Variants in GABRB1 observed in about 807,000 individuals in gnomAD.
GABRB1 encodes the protein gamma-aminobutyric acid type A receptor subunit beta1.
Under a neutral mutation model 51.6 loss-of-function variants are expected in GABRB1, and 17 were observed. That is an observed-to-expected ratio of 0.33 (90% CI 0.23 to 0.49). GABRB1 has a LOEUF of 0.49. Among genes scored for constraint, GABRB1 ranks in the 20% least tolerant of loss-of-function variants. GABRB1 has a pLI of 0.99. For synonymous variants in GABRB1, 247 were observed against 218.9 expected, an observed-to-expected ratio of 1.13 and a Z score of -1.14; for missense variants, 410 against 600.6, an observed-to-expected ratio of 0.68 and a Z score of 3.32.
At chr4:47,137,552 C>A (rs1313274534) in intron 3 of GABRB1, among the ~76,000 whole-genome samples, 2 of 152,052 alleles carry the variant, frequency 1.3e-5, no homozygotes, top group Middle Eastern at 3.2e-3. Context: ...TGGAAGTAAC[C>A]AAGAAGATAA....
At chr4:47,123,781 T>C (rs1483832459) in intron 3 of GABRB1, among the ~76,000 whole-genome samples, 14 of 83,892 alleles carry the variant, frequency 1.7e-4, no homozygotes, top group South Asian at 6.1e-4. Context: ...TATCATATAT[T>C]ATTATATATA....
At chr4:47,057,655 A>G (rs1726671724) in intron 3 of GABRB1, among the ~76,000 whole-genome samples, 1 of 152,224 alleles carries the variant, frequency 6.6e-6, no homozygotes, top group Admixed American at 6.5e-5. Flanking sequence ...CTAACTACAT[A>G]GCAGTGAACT....
At chr4:47,233,842 T>G (rs918501998) in intron 4 of GABRB1, among the ~76,000 whole-genome samples, 1 of 152,220 alleles carries the variant, frequency 6.6e-6, no homozygotes, top group South Asian at 2.1e-4. Flanking sequence ...TATTACATAT[T>G]GATAGCATAT....
At chr4:47,168,395 C>G (rs1718289341) in intron 4 of GABRB1, among the ~76,000 whole-genome samples, 2 of 152,166 alleles carry the variant, frequency 1.3e-5, no homozygotes, top group Admixed American at 1.3e-4. Context: ...ACATTCACAT[C>G]TCTTTTACTC....
chr4:47,164,735 T>G (rs1179219398), intron 4 of GABRB1, among the ~76,000 whole-genome samples: 1 of 152,126 alleles, frequency 6.6e-6, no homozygotes, highest in African/African-American at 2.4e-5. Context: ...TAGAGTCAGT[T>G]GTCTATTTTT....
intron 4 of GABRB1, among the ~76,000 whole-genome samples, chr4:47,294,777 A>G (rs1293847756): frequency 6.6e-6 from 1 of 152,252 alleles, no homozygotes; most frequent in African/African-American, 2.4e-5. Context: ...ACGCAGCTGC[A>G]GATCTGAGAA....
chr4:47,085,537 G>A (rs554061981), intron 3 of GABRB1, among the ~76,000 whole-genome samples: 4 of 151,932 alleles, frequency 2.6e-5, no homozygotes, highest in African/African-American at 4.8e-5. Context: ...AACAGTATAC[G>A]GAACTAGTGT....
intron 3 of GABRB1, 118 bp downstream of exon 3, chr4:47,032,602 TC>T (rs1395492721): frequency 1.0e-6 from 1 of 956,150 alleles, no homozygotes; most frequent in African/African-American, 1.6e-5. Context: ...GAGGTCCCAC[TC>T]CGCACCCGCT....
chr4:47,277,220 G>A (rs148545822), intron 4 of GABRB1, among the ~76,000 whole-genome samples: 1 of 152,212 alleles, frequency 6.6e-6, no homozygotes, highest in East Asian at 1.9e-4. Flanking sequence ...CAATGTGGAT[G>A]GAACTGGAGA....
rs375306057 is a variant in GABRB1, at chr4:47,127,522, G to C, written c.241-33727G>C. 2.0e-5 allele frequency among the ~76,000 whole-genome samples: 3 copies of C among 151,686 alleles called. No individual in the cohort carries two copies. The East Asian group carries it at 5.8e-4, about 29-fold the overall frequency. ...TATTCACCGCCACCACCATATCTAG[G>C]ACTCTCACTTTTTTTTTTGTGATTT... On this transcript the variant is annotated intron_variant, in intron 3 of 8. Coordinates refer to ENST00000295454, the MANE Select transcript of GABRB1 (RefSeq NM_000812.4).
At chr4:47,223,276 T>C (rs1720831760) in intron 4 of GABRB1, among the ~76,000 whole-genome samples, 1 of 152,068 alleles carries the variant, frequency 6.6e-6, no homozygotes, top group Non-Finnish European at 1.5e-5. Flanking sequence ...AGATATCCAG[T>C]GGCATCTACG....
intron 4 of GABRB1, 47 bp from the exon 5 acceptor site, chr4:47,320,080 G>A: frequency 1.6e-6 from 2 of 1,257,188 alleles, no homozygotes; most frequent in Non-Finnish European, 2.3e-6. Flanking sequence ...GAAATGAAAT[G>A]TCATCACTTT....
chr4:47,278,802 T>C (rs985866961), intron 4 of GABRB1, among the ~76,000 whole-genome samples: 14 of 152,158 alleles, frequency 9.2e-5, no homozygotes, highest in East Asian at 1.9e-4. Flanking sequence ...TATTTCATCA[T>C]AGTTTTTAGA....
chr4:47,170,586 G>T (rs1490443950), intron 4 of GABRB1, among the ~76,000 whole-genome samples: 2 of 152,114 alleles, frequency 1.3e-5, no homozygotes, highest in Non-Finnish European at 2.9e-5. Flanking sequence ...GTCCTGGGCA[G>T]ATCTCACAAG....
chr4:46,999,735 G>T (rs1724122492), intron 1 of GABRB1, among the ~76,000 whole-genome samples: 1 of 152,182 alleles, frequency 6.6e-6, no homozygotes, highest in Non-Finnish European at 1.5e-5. Context: ...CTGCTTATAA[G>T]ATAACAAAAC....
chr4:47,293,251 C>T (rs932172405), intron 4 of GABRB1, among the ~76,000 whole-genome samples: 1 of 152,164 alleles, frequency 6.6e-6, no homozygotes, highest in Non-Finnish European at 1.5e-5. Context: ...AAGTGATTCT[C>T]CTGCCTCAGC....
intron 4 of GABRB1, among the ~76,000 whole-genome samples, chr4:47,290,161 G>T (rs1723667117): frequency 6.6e-6 from 1 of 152,188 alleles, no homozygotes; most frequent in African/African-American, 2.4e-5. Context: ...TCTCCACCCA[G>T]ATCTCAACTT....
chr4:47,129,638 A>G (rs1403098930), intron 3 of GABRB1, among the ~76,000 whole-genome samples: 1 of 152,198 alleles, frequency 6.6e-6, no homozygotes, highest in Non-Finnish European at 1.5e-5. Flanking sequence ...TATGTGTTGC[A>G]ATGGGAGTCA....
At position 47,425,852 on chromosome 4, in the gene GABRB1, G is replaced by T. The variant is rs200129765; in HGVS notation, c.1259G>T (p.Arg420Leu). Residue 420 changes from arginine (R) to leucine (L), a missense_variant, in exon 9 of 9, where the codon CGG (arginine) becomes CTG (leucine). Arg to Leu is a moderately radical substitution (Grantham distance 102, BLOSUM62 -2). Around this residue, in one of 5 missense-constraint regions of GABRB1, gnomAD observed 181 missense variants for 195.6 expected, o/e 0.93. Coordinates refer to ENST00000295454, the MANE Select transcript of GABRB1 (RefSeq NM_000812.4). ...SREAYGRALD[R>L]HGVPSKGRIR... ...GAGGCCTACGGGCGCGCCCTGGACC[G>T]GCACGGGGTACCCAGCAAGGGGCGC... 3.1e-6 allele frequency: 5 copies of T among 1,614,074 alleles called. No individual in the cohort carries two copies. Among genetic ancestry groups the T allele is most frequent in the South Asian group, 2.2e-5 (2 of 91,068 alleles).
Sources: gnomAD v4.1 joint callset for allele counts (sites outside exome capture counted in the v4.1 genomes callset) on GRCh38, gnomAD v4.1.1 for gene constraint, gnomAD v4.1.1 regional missense constraint, MANE v1.5 for transcripts, NCBI Gene and HGNC (gene_info 2026-07-23, HGNC 2026-07-21) for gene names.